The following KDR variants were observed in gnomAD, a reference collection of about 807,000 sequenced individuals.
The protein encoded by KDR is kinase insert domain receptor, also known as vascular endothelial growth factor receptor 2.
A neutral mutation model predicts 160.9 loss-of-function variants in KDR; 43 were observed. The observed-to-expected ratio is 0.27, with a 90% confidence interval of 0.21 to 0.34. The LOEUF is 0.34. Among genes scored for constraint, KDR ranks in the 10% least tolerant of loss-of-function variants. The pLI is 1.00. For synonymous variants in KDR, 617 were observed against 600.1 expected (o/e 1.03, Z -0.41); for missense variants, 1,469 against 1,666.4 (o/e 0.88, Z 2.06).
chr4:55,119,346 A>G (rs1321944372), intron 2 of KDR, among the ~76,000 whole-genome samples: 2 of 152,242 alleles, frequency 1.3e-5, no homozygotes, highest in African/African-American at 2.4e-5. Context: ...ACAAATATCT[A>G]TTAAGCATCT....
Position 55,082,051 on chromosome 4 carries a change from A to G in KDR, c.3763-10T>C. 6.3e-7 allele frequency: 1 copy of G among 1,581,864 alleles called. No individual in the cohort carries two copies. The highest frequency in any genetic ancestry group is 8.7e-7 in the Non-Finnish European group (1 of 1,150,620). ...TGTCCGTCTGGTTGTCCTTTTTAAGAGACAATGAGATGGCACAGTTAATTG... is the reference window on the plus strand; with the variant it reads ...TGTCCGTCTGGTTGTCCTTTTTAAGGGACAATGAGATGGCACAGTTAATTG... On this transcript the variant is annotated splice_polypyrimidine_tract_variant and intron_variant, in intron 28 of 29. Transcript: ENST00000263923.
intron 8 of KDR, 34 bp downstream of exon 8, chr4:55,110,620 G>C (rs751032533): frequency 1.9e-6 from 3 of 1,612,102 alleles, no homozygotes; most frequent in Non-Finnish European, 2.5e-6. Context: ...GCTCTCACAC[G>C]AAATGATGCT....
intron 3 of KDR, among the ~76,000 whole-genome samples, chr4:55,117,727 C>T (rs1440941349): frequency 2.0e-5 from 3 of 152,218 alleles, no homozygotes; most frequent in African/African-American, 7.2e-5. Flanking sequence ...AAGGCATATA[C>T]GTAAATACAT....
intron 3 of KDR, 72 bp downstream of exon 3, chr4:55,118,532 T>C: frequency 8.2e-7 from 1 of 1,213,120 alleles, no homozygotes; most frequent in Non-Finnish European, 1.2e-6. Context: ...TTGTACTCAA[T>C]TCTTCTTTGA....
chr4:55,098,075 C>T (rs1280153087), intron 17 of KDR, 62 bp downstream of exon 17: 1 of 1,588,286 alleles, frequency 6.3e-7, no homozygotes, highest in East Asian at 2.2e-5. Context: ...TGTCATCATT[C>T]TAATGGAGGA....
At chr4:55,109,892 C>A (rs973465977) in intron 9 of KDR, among the ~76,000 whole-genome samples, 2 of 152,132 alleles carry the variant, frequency 1.3e-5, no homozygotes, top group Non-Finnish European at 1.5e-5. Context: ...AGATCCTGAA[C>A]TCCTGTCAAA....
intron 19 of KDR, 29 bp downstream of exon 19, chr4:55,096,200 G>A (rs1317461322): frequency 1.5e-6 from 2 of 1,319,800 alleles, no homozygotes; most frequent in Middle Eastern, 1.9e-4. Flanking sequence ...GTTAAAATTG[G>A]GTGACCAAAA....
intron 14 of KDR, 22 bp downstream of exon 14, chr4:55,102,340 G>A (rs780110180): frequency 3.1e-6 from 5 of 1,611,970 alleles, no homozygotes; most frequent in Non-Finnish European, 4.2e-6. Context: ...CAACCCAAGA[G>A]TGATAGCCAA....
In KDR at chr4:55,121,098, T is replaced by C. The variant is rs756942805; in HGVS notation, c.160A>G (p.Arg54Gly). ...TCTAGATCTAGAATGAATCCTTACC[T>C]GCAAGTAATTTGAAGAGTTGTATTA... ...KANTTLQITC[R>G]GQRDLDWLWP... Residue 54 changes from arginine to glycine, a missense_variant and splice_region_variant, in exon 2 of 30, where the codon AGG becomes GGG. Arg to Gly is a moderately radical substitution (Grantham distance 125). Transcript: ENST00000263923. 1 of 1,597,578 alleles carries C rather than the reference T, an allele frequency of 6.3e-7. No homozygotes were observed. Among genetic ancestry groups the C allele is most frequent in the Non-Finnish European group, 8.6e-7 (1 of 1,165,060 alleles).
At position 55,078,693 on chromosome 4, in the gene KDR, A is replaced by G. The variant is rs1000492443; in HGVS notation, c.*1248T>C. On this transcript the variant is annotated 3_prime_UTR_variant, in exon 30 of 30. Transcript: ENST00000263923. Reference sequence around the variant, plus strand: ...GTCATTGTTCCCAGCATTTCACACTATGGTACCAAACAAAAAACACATTTT... The same window carrying G: ...GTCATTGTTCCCAGCATTTCACACTGTGGTACCAAACAAAAAACACATTTT... 4.3e-6 allele frequency: 1 copy of G among 230,678 alleles called. No individual in the cohort carries two copies. 14.3% of individuals were successfully genotyped at this position (230,678 alleles called of 1,614,324 possible). A position where few individuals can be genotyped will look rare whatever the true frequency, so the allele number is the denominator to read the frequency against.
intron 2 of KDR, among the ~76,000 whole-genome samples, chr4:55,119,176 T>A (rs1250155198): frequency 6.6e-6 from 1 of 151,622 alleles, no homozygotes; most frequent in Non-Finnish European, 1.5e-5. Flanking sequence ...ACCACTGCAC[T>A]TCAGCCTGGG....
At chr4:55,091,401 A>G (rs1256389215) in intron 22 of KDR, among the ~76,000 whole-genome samples, 1 of 152,226 alleles carries the variant, frequency 6.6e-6, no homozygotes, top group African/African-American at 2.4e-5. Flanking sequence ...TGGTAGATGT[A>G]AGGAAAGTTA....
intron 29 of KDR, 121 bp from the exon 30 acceptor site, chr4:55,080,284 C>A: frequency 1.2e-6 from 1 of 816,670 alleles, no homozygotes; most frequent in Non-Finnish European, 2.1e-6. Context: ...AGCCCCGTAT[C>A]TCTCCCAGTT....
At chr4:55,119,952 G>C (rs1208932113) in intron 2 of KDR, among the ~76,000 whole-genome samples, 1 of 152,084 alleles carries the variant, frequency 6.6e-6, no homozygotes, top group African/African-American at 2.4e-5. Flanking sequence ...CACACTCCAT[G>C]GTTTTTTTCA....
chr4:55,103,788 A>G (rs1720370934), intron 13 of KDR, among the ~76,000 whole-genome samples: 1 of 152,106 alleles, frequency 6.6e-6, no homozygotes, highest in Non-Finnish European at 1.5e-5. Flanking sequence ...GTAAAAAAAA[A>G]ACAGAGGGCA....
chr4:55,101,162 T>C (rs1211743292), intron 15 of KDR, among the ~76,000 whole-genome samples: 1 of 152,192 alleles, frequency 6.6e-6, no homozygotes, highest in Non-Finnish European at 1.5e-5. Flanking sequence ...GCAATTCTAA[T>C]GTTTTTCCAA....
chr4:55,112,960 T>C (rs1251947028), intron 7 of KDR, among the ~76,000 whole-genome samples: 2 of 152,172 alleles, frequency 1.3e-5, no homozygotes, highest in Non-Finnish European at 2.9e-5. Flanking sequence ...CTCATGCTTA[T>C]TCAAGTAGGC....
Position 55,079,632 on chromosome 4 carries a change from C to A in KDR, c.*309G>T. 2.2e-6 allele frequency: 1 copy of A among 449,594 alleles called. No homozygotes were observed. Among genetic ancestry groups the A allele is most frequent in the Non-Finnish European group, 4.1e-6 (1 of 243,620 alleles). The allele number at this position is 449,594 out of a possible 1,614,324, so 27.9% of individuals were successfully genotyped here. On this transcript the variant is annotated 3_prime_UTR_variant, in exon 30 of 30. Transcript: ENST00000263923. ...TACTGCTACTTCTTTGAGGATGGGG[C>A]CATTTCTTGAACGTCTTTGTTCTAA...
At chr4:55,108,034 A>G in intron 9 of KDR, 141 bp from the exon 10 acceptor site, 2 of 863,940 alleles carry the variant, frequency 2.3e-6, no homozygotes, top group Non-Finnish European at 3.8e-6. Context: ...CTAGATGTGG[A>G]AACAAGAGAC....
Sources: allele counts gnomAD v4.1 joint callset (sites outside exome capture counted in the v4.1 genomes callset), GRCh38; gene constraint gnomAD v4.1.1; transcripts MANE v1.5; gene names NCBI Gene and HGNC (gene_info 2026-07-23, HGNC 2026-07-21).